Variants in DNAJC10 observed in about 807,000 individuals in gnomAD.
DNAJC10 encodes the protein endoplasmic reticulum disulfide reductase DNAJC10.
In DNAJC10, 101 loss-of-function variants were observed where a neutral mutation model predicts 115.0. The ratio of observed to expected loss-of-function variants is 0.88; its 90% CI spans 0.75 to 1.04. The LOEUF (loss-of-function observed/expected upper bound fraction) is 1.04, where lower values mean the gene tolerates loss of function less well. Among genes scored for constraint, DNAJC10 ranks in the 50% least tolerant of loss-of-function variants. DNAJC10 has a pLI of 0.00. For missense variants in DNAJC10, 981 were observed against 928.8 expected (o/e 1.06, Z -0.73); for synonymous variants, 307 against 301.5 (o/e 1.02, Z -0.19).
At chr2:182,755,158 C>T in intron 17 of DNAJC10, 54 bp downstream of exon 17, 1 of 1,052,438 alleles carries the variant, frequency 9.5e-7, no homozygotes. Flanking sequence ...CTATGTAAAC[C>T]CTGTATGAAT....
rs548129789 is a variant in DNAJC10, at chr2:182,726,203, A to C, written c.419-2373A>C. 7.9e-5 allele frequency among the ~76,000 whole-genome samples: 12 copies of C among 152,308 alleles called. No individual in the cohort carries two copies. In the South Asian group the frequency reaches 2.5e-3, roughly 32 times the overall value. On this transcript the variant is annotated intron_variant, in intron 5 of 23. Transcript: ENST00000264065. ...TGGAGGATGTAACTGTAGATGTGATAGAAATAGCAAGAGAACTGGAATTAG... is the reference window on the plus strand; with the variant it reads ...TGGAGGATGTAACTGTAGATGTGATCGAAATAGCAAGAGAACTGGAATTAG...
In DNAJC10 at chr2:182,743,736, A is replaced by G. The variant is rs777919413; in HGVS notation, c.1306+24A>G. On this transcript the variant is annotated intron_variant, in intron 14 of 23. Coordinates refer to ENST00000264065, the MANE Select transcript of DNAJC10 (RefSeq NM_018981.4). ...TGGTAAGAATGGAAAAAAATGATAAAAAAAAACTTAGCTTCATTTTCAAAT... is the reference window on the plus strand; with the variant it reads ...TGGTAAGAATGGAAAAAAATGATAAGAAAAAACTTAGCTTCATTTTCAAAT... 4.0e-6 allele frequency: 6 copies of G among 1,486,564 alleles called. No homozygotes were observed. The African/African-American group carries it at 5.7e-5, about 14-fold the overall frequency. The allele number at this position is 1,486,564 out of a possible 1,614,324, so 92.1% of individuals were successfully genotyped here.
At position 182,751,751 on chromosome 2, in the gene DNAJC10, A is replaced by G. The variant is rs1166500674; in HGVS notation, c.1400A>G (p.Asp467Gly). Residue 467 changes from aspartate to glycine, a missense_variant, in exon 15 of 24, where the codon GAC (aspartate) becomes GGC (glycine). Asp to Gly is a moderately conservative substitution (Grantham distance 94). Coordinates refer to ENST00000264065, the MANE Select transcript of DNAJC10 (RefSeq NM_018981.4). Reference protein sequence around the residue: ...TLGPQNFPANDKEPWLVDFFA... With the variant: ...TLGPQNFPANGKEPWLVDFFA... ...GGACCTCAAAATTTTCCTGCCAATG[A>G]CAAAGAACCATGGCTTGTTGATTTC... 1 of 1,614,020 alleles carries G rather than the reference A, an allele frequency of 6.2e-7. No individual in the cohort carries two copies. Among genetic ancestry groups the G allele is most frequent in the Non-Finnish European group, 8.5e-7 (1 of 1,179,966 alleles).
chr2:182,777,137 G>T lies in DNAJC10; in HGVS notation c.*5G>T. On this transcript the variant is annotated 3_prime_UTR_variant, in exon 24 of 24. Coordinates refer to ENST00000264065, the MANE Select transcript of DNAJC10 (RefSeq NM_018981.4). Reference sequence around the variant, plus strand: ...TTATTATAGGATGAACTTTGATAATGTTGAAGATGAAGAAAAAGTTTAAAA... The same window carrying T: ...TTATTATAGGATGAACTTTGATAATTTTGAAGATGAAGAAAAAGTTTAAAA... The T allele has an allele frequency of 7.1e-7, 1 of 1,406,478 alleles. No individual in the cohort carries two copies. The allele number at this position is 1,406,478 out of a possible 1,614,324, so 87.1% of individuals were successfully genotyped here. A position where few individuals can be genotyped will look rare whatever the true frequency, so the allele number is the denominator to read the frequency against.
intron 11 of DNAJC10, among the ~76,000 whole-genome samples, chr2:182,737,220 G>A (rs973745155): frequency 6.6e-6 from 1 of 152,154 alleles, no homozygotes; most frequent in Non-Finnish European, 1.5e-5. Context: ...CAATCTAGTT[G>A]TCAAGGAGCT....
Position 182,751,774 on chromosome 2 carries a change from T to C in DNAJC10, c.1423T>C (p.Phe475Leu). 1 of 1,613,286 alleles carries C rather than the reference T, an allele frequency of 6.2e-7. No individual in the cohort carries two copies. Among genetic ancestry groups the C allele is most frequent in the South Asian group, 1.1e-5 (1 of 90,718 alleles). Residue 475 changes from phenylalanine to leucine, a missense_variant, in exon 15 of 24, where the codon TTC becomes CTC. Phe to Leu is a conservative substitution (Grantham distance 22). Transcript: ENST00000264065. Reference protein sequence around the residue: ...ANDKEPWLVDFFAPWCPPCRA... With the variant: ...ANDKEPWLVDLFAPWCPPCRA... ...TGACAAAGAACCATGGCTTGTTGAT[T>C]TCTTTGCCCCCGTAAGTTATTTTTA...
chr2:182,740,204 C>A, intron 11 of DNAJC10, 95 bp from the exon 12 acceptor site: 1 of 1,176,672 alleles, frequency 8.5e-7, no homozygotes. Context: ...TAATCATTTT[C>A]CTAAAAATAC....
chr2:182,773,542 T>C (rs934621018), intron 22 of DNAJC10, among the ~76,000 whole-genome samples: 1 of 152,218 alleles, frequency 6.6e-6, no homozygotes. Context: ...ACTCTTTTTT[T>C]CTCTAACTTT....
chr2:182,765,147 T>C (rs1161262596), intron 22 of DNAJC10, among the ~76,000 whole-genome samples: 3 of 152,142 alleles, frequency 2.0e-5, no homozygotes. Flanking sequence ...AGGTCAAGTT[T>C]GCAAACTTAG....
intron 22 of DNAJC10, among the ~76,000 whole-genome samples, chr2:182,773,254 T>G (rs1694614402): frequency 6.6e-6 from 1 of 152,230 alleles, no homozygotes; most frequent in Non-Finnish European, 1.5e-5. Flanking sequence ...TCTCTCTGCC[T>G]GCCCTTAACA....
At position 182,759,225 on chromosome 2, in the gene DNAJC10, A is replaced by G. The variant is rs761858508; in HGVS notation, c.2063A>G (p.Lys688Arg). ...TTCAGTGAAAAAGTTCTACAAGGGAAAAATCATTGGGTGATTGATTTCTAT... is the reference window on the plus strand; with the variant it reads ...TTCAGTGAAAAAGTTCTACAAGGGAGAAATCATTGGGTGATTGATTTCTAT... ...QTFSEKVLQG[K>R]NHWVIDFYAP... The change falls in exon 21 of 24, where the codon AAA (lysine) becomes AGA (arginine). Residue 688 changes from lysine (K) to arginine (R), a missense_variant. By Grantham distance (26) the Lys-to-Arg change is conservative. Transcript: ENST00000264065. 1.1e-5 allele frequency: 17 copies of G among 1,610,004 alleles called. No homozygotes were observed. The Middle Eastern group carries it at 8.3e-4, about 78-fold the overall frequency.
intron 22 of DNAJC10, among the ~76,000 whole-genome samples, chr2:182,768,704 T>G (rs929941699): frequency 1.3e-5 from 2 of 152,182 alleles, no homozygotes; most frequent in African/African-American, 4.8e-5. Flanking sequence ...ACCTTCCTGC[T>G]GTGCGCAGAT....
Position 182,779,772 on chromosome 2 carries a change from AGT to A in DNAJC10, c.*2642_*2643del, listed in dbSNP as rs1414305761. 6.6e-6 allele frequency: 1 copy of A among 152,174 alleles called. No homozygotes were observed. The highest frequency in any genetic ancestry group is 2.4e-5 in the African/African-American group (1 of 41,444). The allele number at this position is 152,174 out of a possible 1,614,324, so 9.4% of individuals were successfully genotyped here. ...TGCTCTGTTTTCTGACAGTGCTCAA[AGT>A]GGGAATTTTTTTAGAAGTACGGTTA... On this transcript the variant is annotated 3_prime_UTR_variant, in exon 24 of 24. Coordinates refer to ENST00000264065, the MANE Select transcript of DNAJC10 (RefSeq NM_018981.4).
Position 182,729,087 on chromosome 2 carries a change from T to C in DNAJC10, c.633+93T>C, listed in dbSNP as rs1467251887. On this transcript the variant is annotated intron_variant, in intron 7 of 23. Coordinates refer to ENST00000264065, the MANE Select transcript of DNAJC10 (RefSeq NM_018981.4). ...AACAGTATGTAGAATTTGCAGAACA[T>C]TTTAAGTCTTGTTTTACAAGGTGCC... is the stretch of plus-strand genomic sequence containing the variant. 1.1e-5 allele frequency: 14 copies of C among 1,309,008 alleles called. No individual in the cohort carries two copies. The East Asian group carries it at 2.6e-4, about 24-fold the overall frequency. The allele number at this position is 1,309,008 out of a possible 1,614,324, so 81.1% of individuals were successfully genotyped here.
chr2:182,737,936 G>A (rs1693628473), intron 11 of DNAJC10, among the ~76,000 whole-genome samples: 1 of 152,114 alleles, frequency 6.6e-6, no homozygotes, highest in South Asian at 2.1e-4. Flanking sequence ...ATACAGATAC[G>A]TAATTTTTCA....
chr2:182,746,767 G>A, intron 14 of DNAJC10, among the ~76,000 whole-genome samples: 1 of 151,916 alleles, frequency 6.6e-6, no homozygotes, highest in East Asian at 1.9e-4. Context: ...GGCTTTTGTT[G>A]CCATTGCTTT....
intron 23 of DNAJC10, 134 bp downstream of exon 23, chr2:182,775,554 A>C: frequency 1.7e-6 from 1 of 578,360 alleles, no homozygotes; most frequent in Non-Finnish European, 3.1e-6. Context: ...TGAAAATTCT[A>C]CTTTGGGAAA....
chr2:182,757,213 G>C (rs1047125134), intron 18 of DNAJC10, among the ~76,000 whole-genome samples: 4 of 152,058 alleles, frequency 2.6e-5, no homozygotes, highest in African/African-American at 9.7e-5. Flanking sequence ...CTTCACATTT[G>C]TTTACAAGAT....
chr2:182,725,715 T>C (rs1438345632), intron 5 of DNAJC10, among the ~76,000 whole-genome samples: 1 of 152,124 alleles, frequency 6.6e-6, no homozygotes, highest in Non-Finnish European at 1.5e-5. Context: ...GCCATCTCCA[T>C]AACATCAAAA....
Sources: gnomAD v4.1 joint callset for allele counts (sites outside exome capture counted in the v4.1 genomes callset) on GRCh38, gnomAD v4.1.1 for gene constraint, MANE v1.5 for transcripts, NCBI Gene and HGNC (gene_info 2026-07-23, HGNC 2026-07-21) for gene names.